NFATC4: variants seen among roughly 807,000 people sequenced by gnomAD.
The protein encoded by NFATC4 is nuclear factor of activated T cells 4.
In NFATC4, 25 loss-of-function variants were observed where a neutral mutation model predicts 73.4. That is an observed-to-expected ratio of 0.34 (90% CI 0.25 to 0.48). The LOEUF is 0.48. NFATC4 is among the 20% of genes least tolerant of loss of function. The pLI is 0.99. For missense variants in NFATC4, 1,130 were observed against 1,203.7 expected (o/e 0.94, Z 0.91); for synonymous variants, 523 against 510.3 (o/e 1.02, Z -0.34).
intron 2 of NFATC4, chr14:24,372,169 T>G: frequency 5.0e-6 from 2 of 399,594 alleles, no homozygotes; most frequent in Non-Finnish European, 9.0e-6. Context: ...AAGAAGGGAG[T>G]TTTAGGCTTG....
chr14:24,378,271 C>T lies in NFATC4; in HGVS notation c.*566C>T, dbSNP rs1252486187. The T allele has an allele frequency of 6.3e-6, 1 of 158,896 alleles. No individual in the cohort carries two copies. The allele number at this position is 158,896 out of a possible 1,614,324, so 9.8% of individuals were successfully genotyped here. ...GGGCCAGGGCTTGAGTAGGCCTCTC[C>T]ACTCTCCTCCTTGGGGGTCCAGATT... On this transcript the variant is annotated 3_prime_UTR_variant, in exon 10 of 10. Transcript: ENST00000250373.
rs367852293 is a variant in NFATC4 at position 24,370,226 on chromosome 14, C to A, written c.828C>A (p.Thr276=). The change falls in exon 2 of 10, where the codon ACC becomes ACA. Residue 276 remains threonine, a synonymous_variant. Transcript: ENST00000250373. ...CGKRRYSSSG[T]PSSASPALSR... is the part of the protein sequence containing the mutation. Reference sequence around the variant, plus strand: ...AGCGGCGCTATTCCAGCTCGGGAACCCCATCTTCAGCCTCCCCAGCTCTGT... The same window carrying A: ...AGCGGCGCTATTCCAGCTCGGGAACACCATCTTCAGCCTCCCCAGCTCTGT... 1 of 1,611,552 alleles carries A rather than the reference C, an allele frequency of 6.2e-7. No individual in the cohort carries two copies. The highest frequency in any genetic ancestry group is 1.7e-5 in the Admixed American group (1 of 60,024).
rs2042523224 is a variant in NFATC4, at chr14:24,373,301, A to T, written c.1490A>T (p.Tyr497Phe). ...GGCAAGATGGTGGCCACGGCCAGCT[A>T]TGAAGCCGTAGTCAGTGGCACCAAG... is the stretch of plus-strand genomic sequence containing the variant. Reference protein sequence around the residue: ...ITGKMVATASYEAVVSGTKVL... With the variant: ...ITGKMVATASFEAVVSGTKVL... The change falls in exon 4 of 10, where the codon TAT becomes TTT. Residue 497 changes from tyrosine to phenylalanine, a missense_variant. By Grantham distance (22) the Tyr-to-Phe change is conservative (BLOSUM62 3). Transcript: ENST00000250373. This position sits in a 1 kb window ranked among gnomAD's most constrained non-coding sequence, Gnocchi z 4.7. 1 of 1,614,120 alleles carries T rather than the reference A, an allele frequency of 6.2e-7. No individual in the cohort carries two copies. Among genetic ancestry groups the T allele is most frequent in the South Asian group, 1.1e-5 (1 of 91,092 alleles).
intron 2 of NFATC4, among the ~76,000 whole-genome samples, chr14:24,371,467 T>G (rs1184505904): frequency 6.6e-6 from 1 of 152,222 alleles, no homozygotes; most frequent in Non-Finnish European, 1.5e-5. Flanking sequence ...TCTTCAGACA[T>G]TGCCAAATAT....
At position 24,373,724 on chromosome 14, in the gene NFATC4, G is replaced by A. The variant is rs1594713196; in HGVS notation, c.1589G>A (p.Arg530Gln). The A allele has an allele frequency of 2.5e-6, 4 of 1,612,344 alleles. No individual in the cohort carries two copies. Among genetic ancestry groups the A allele is most frequent in the East Asian group, 2.2e-5 (1 of 44,830 alleles). Residue 530 changes from arginine (R) to glutamine (Q), a missense_variant, in exon 5 of 10, where the codon CGG becomes CAG. Arg to Gln is a conservative substitution (Grantham distance 43). This residue lies in a region of NFATC4 where 155 missense variants were observed against 221.2 expected (regional missense o/e 0.70). Transcript: ENST00000250373. This position sits in a 1 kb window ranked among gnomAD's most constrained non-coding sequence, Gnocchi z 4.7. ...NIDCAGILKL[R>Q]NSDIELRKGE... ...GACTGCGCGGGAATCCTGAAGCTTC[G>A]GAATTCAGACATTGAGCTTCGGAAG...
Position 24,370,143 on chromosome 14 carries a change from C to T in NFATC4, c.745C>T (p.Leu249Phe), listed in dbSNP as rs139503019. 2 of 1,603,546 alleles carry T rather than the reference C, an allele frequency of 1.2e-6. No homozygotes were observed. The highest frequency in any genetic ancestry group is 1.7e-6 in the Non-Finnish European group (2 of 1,179,686). The change falls in exon 2 of 10, where the codon CTC becomes TTC. Residue 249 changes from leucine (L) to phenylalanine (F), a missense_variant. Leu to Phe is a conservative substitution (Grantham distance 22). This residue lies in a region of NFATC4 where 585 missense variants were observed against 574.3 expected (regional missense o/e 1.02). Coordinates refer to ENST00000250373, the MANE Select transcript of NFATC4 (RefSeq NM_004554.5). ...GGRGPEDSWL[L>F]LSAPGPTPAS... is the part of the protein sequence containing the mutation. ...CCGAGGGCCAGAGGATAGCTGGCTA[C>T]TCCTCAGTGCTCCTGGGCCCACCCC...
chr14:24,373,318 G>A lies in NFATC4; in HGVS notation c.1507G>A (p.Gly503Ser), dbSNP rs1348933339. 1 of 1,614,118 alleles carries A rather than the reference G, an allele frequency of 6.2e-7. No individual in the cohort carries two copies. The highest frequency in any genetic ancestry group is 1.7e-5 in the Admixed American group (1 of 60,016). The change falls in exon 4 of 10, where the codon GGC becomes AGC. Residue 503 changes from glycine to serine, a missense_variant. By Grantham distance (56) the Gly-to-Ser change is moderately conservative. This residue lies in a region of NFATC4 where 155 missense variants were observed against 221.2 expected (regional missense o/e 0.70). Transcript: ENST00000250373. This position sits in a 1 kb window ranked among gnomAD's most constrained non-coding sequence, Gnocchi z 4.7. Reference sequence around the variant, plus strand: ...GGCCAGCTATGAAGCCGTAGTCAGTGGCACCAAGGTGTTGGAGATGACTCT... The same window carrying A: ...GGCCAGCTATGAAGCCGTAGTCAGTAGCACCAAGGTGTTGGAGATGACTCT... Reference protein sequence around the residue: ...ATASYEAVVSGTKVLEMTLLP... With the variant: ...ATASYEAVVSSTKVLEMTLLP...
chr14:24,375,233 T>C (rs970910180), intron 6 of NFATC4, among the ~76,000 whole-genome samples: 11 of 152,120 alleles, frequency 7.2e-5, no homozygotes, highest in Admixed American at 6.5e-4. Context: ...AAATTTAGCA[T>C]CCTGGGACCA....
At position 24,369,533 on chromosome 14, in the gene NFATC4, T is replaced by C; in HGVS notation, c.135T>C (p.Arg45=). Residue 45 remains arginine, a synonymous_variant, in exon 2 of 10, where the codon CGT becomes CGC. Coordinates refer to ENST00000250373, the MANE Select transcript of NFATC4 (RefSeq NM_004554.5). ...LDSEDAPPCC[R]LALGEPPPYG... ...CAGAGGATGCCCCGCCATGCTGCCG[T>C]CTGGCCTTGGGAGAGCCCCCTCCCT... 4.3e-6 allele frequency: 7 copies of C among 1,610,194 alleles called. No individual in the cohort carries two copies. Among genetic ancestry groups the C allele is most frequent in the Non-Finnish European group, 5.1e-6 (6 of 1,177,368 alleles).
intron 2 of NFATC4, among the ~76,000 whole-genome samples, 159 bp downstream of exon 2, chr14:24,370,753 G>T (rs2042453934): frequency 6.6e-6 from 1 of 152,210 alleles, no homozygotes; most frequent in South Asian, 2.1e-4. Context: ...GTTTTAAAGA[G>T]AACTAGAAAA....
At position 24,376,654 on chromosome 14, in the gene NFATC4, C is replaced by G. The variant is rs752964036; in HGVS notation, c.2417C>G (p.Ser806Cys). ...GSSFSLGLPFSPPAPFRPPPL... is the reference protein window; with the variant it reads ...GSSFSLGLPFCPPAPFRPPPL... ...TCTTTCTCCCTGGGGCTGCCATTCT[C>G]TCCGCCAGCCCCCTTTCGGCCGCCT... Residue 806 changes from serine to cysteine, a missense_variant, in exon 9 of 10, where the codon TCT (serine) becomes TGT (cysteine). Physicochemically the swap from Ser to Cys is moderately radical, Grantham distance 112 (BLOSUM62 -1). This residue lies in a region of NFATC4 where 390 missense variants were observed against 408.1 expected (regional missense o/e 0.96). Transcript: ENST00000250373. This position sits in a 1 kb window ranked among gnomAD's most constrained non-coding sequence, Gnocchi z 5.0. 31 of 1,613,510 alleles carry G rather than the reference C, an allele frequency of 1.9e-5. No homozygotes were observed. The highest frequency in any genetic ancestry group is 2.5e-5 in the Non-Finnish European group (30 of 1,179,796).
upstream of NFATC4, chr14:24,367,732 AGGCTTGGAG>A (rs1448374165): frequency 6.8e-7 from 1 of 1,473,394 alleles, no homozygotes; most frequent in Non-Finnish European, 9.0e-7. Flanking sequence ...TCCTGGCCTC[AGGCTTGGAG>A]GGAAAGGGGA....
chr14:24,370,230 T>C lies in NFATC4; in HGVS notation c.832T>C (p.Ser278Pro). 6.2e-7 allele frequency: 1 copy of C among 1,611,748 alleles called. No individual in the cohort carries two copies. Among genetic ancestry groups the C allele is most frequent in the Non-Finnish European group, 8.5e-7 (1 of 1,179,934 alleles). The change falls in exon 2 of 10, where the codon TCT (serine) becomes CCT (proline). Residue 278 changes from serine to proline, a missense_variant. By Grantham distance (74) the Ser-to-Pro change is moderately conservative. This residue lies in a region of NFATC4 where 585 missense variants were observed against 574.3 expected (regional missense o/e 1.02). Coordinates refer to ENST00000250373, the MANE Select transcript of NFATC4 (RefSeq NM_004554.5). ...GCGCTATTCCAGCTCGGGAACCCCA[T>C]CTTCAGCCTCCCCAGCTCTGTCCCG... ...KRRYSSSGTP[S>P]SASPALSRRG...
At chr14:24,372,331 C>T in intron 2 of NFATC4, 110 bp from the exon 3 acceptor site, 1 of 1,165,372 alleles carries the variant, frequency 8.6e-7, no homozygotes, top group South Asian at 1.6e-5. Flanking sequence ...TTTATTTCTT[C>T]TGTGCTTTCC....
upstream of NFATC4, chr14:24,367,181 T>G: frequency 6.2e-7 from 1 of 1,613,094 alleles, no homozygotes; most frequent in Non-Finnish European, 8.5e-7. Context: ...TCCCGGAAAC[T>G]CCAGTCCAGG....
rs2042528709 is a variant in NFATC4, at chr14:24,373,492, T to C, written c.1559+122T>C. On this transcript the variant is annotated intron_variant, in intron 4 of 9. Transcript: ENST00000250373. This position sits in a 1 kb window ranked among gnomAD's most constrained non-coding sequence, Gnocchi z 4.7. ...TAGACATTTTTCCTAGGAGCTGGCT[T>C]CAGGCCTACCCACCATCTGGAAGAG... The C allele has an allele frequency of 2.9e-6, 4 of 1,391,092 alleles. No homozygotes were observed. Among genetic ancestry groups the C allele is most frequent in the Admixed American group, 4.1e-5 (2 of 48,876 alleles). The allele number at this position is 1,391,092 out of a possible 1,614,324, so 86.2% of individuals were successfully genotyped here.
chr14:24,366,988 C>A, upstream of NFATC4: 2 of 1,597,834 alleles, frequency 1.3e-6, no homozygotes, highest in Non-Finnish European at 1.7e-6. Flanking sequence ...GGCCCTGAAC[C>A]GGAGGGATTT....
In NFATC4 at chr14:24,368,327, C is replaced by A. The variant is rs1426770092; in HGVS notation, c.-14C>A. On this transcript the variant is annotated 5_prime_UTR_variant, in exon 1 of 10. Transcript: ENST00000250373. ...TCCCACCCAGGCCGGGACCTGGGGG[C>A]TCCTGCCGGATCCATGGGGGCGGCC... 1.4e-6 allele frequency: 2 copies of A among 1,392,830 alleles called. No homozygotes were observed. Among genetic ancestry groups the A allele is most frequent in the Non-Finnish European group, 9.3e-7 (1 of 1,075,024 alleles). The allele number at this position is 1,392,830 out of a possible 1,614,324, so 86.3% of individuals were successfully genotyped here.
chr14:24,367,226 C>A, upstream of NFATC4: 1 of 1,613,748 alleles, frequency 6.2e-7, no homozygotes, highest in South Asian at 1.1e-5. Flanking sequence ...TGACAGGTGT[C>A]CAGCCTGTTG....
Sources: allele counts gnomAD v4.1 joint callset (sites outside exome capture counted in the v4.1 genomes callset), GRCh38; gene constraint gnomAD v4.1.1; regional missense constraint gnomAD v4.1.1; non-coding constraint Gnocchi (gnomAD v3.1); transcripts MANE v1.5; gene names NCBI Gene and HGNC (gene_info 2026-07-23, HGNC 2026-07-21).